CEP290: variants seen among roughly 807,000 people sequenced by gnomAD.
CEP290 encodes centrosomal protein 290, also known as centrosomal protein of 290 kDa.
In CEP290, 317 loss-of-function variants were observed where a neutral mutation model predicts 344.9. That is an observed-to-expected ratio of 0.92 (90% CI 0.84 to 1.01). The LOEUF (loss-of-function observed/expected upper bound fraction) is 1.01, where lower values mean the gene tolerates loss of function less well. Ranked by LOEUF, CEP290 falls within the 50% of genes least tolerant of loss-of-function variation. The pLI is 0.00. For synonymous variants in CEP290, 932 were observed against 895.8 expected, an observed-to-expected ratio of 1.04 and a Z score of -0.72; for missense variants, 2,754 against 2,761.4, an observed-to-expected ratio of 1.00 and a Z score of 0.06.
In CEP290 at chr12:88,093,839, A is replaced by G. The variant is rs886042467; in HGVS notation, c.3240T>C (p.Tyr1080=). 4.3e-6 allele frequency: 7 copies of G among 1,612,780 alleles called. 1 individual carries two copies. The highest frequency in any genetic ancestry group is 3.3e-5 in the Admixed American group (2 of 59,916). Residue 1080 remains tyrosine (Y), a synonymous_variant, in exon 28 of 54, where the codon TAT becomes TAC. Transcript: ENST00000552810. ...GCTTTAACGAAGTCCGTAAGTGTTCATACATTTTTTGACAATGTTCAGCCC... is the reference window on the plus strand; with the variant it reads ...GCTTTAACGAAGTCCGTAAGTGTTCGTACATTTTTTGACAATGTTCAGCCC... ...RQRAEHCQKM[Y]EHLRTSLKQM...
chr12:88,072,477 C>T (rs1000873429), intron 41 of CEP290, among the ~76,000 whole-genome samples: 7 of 152,118 alleles, frequency 4.6e-5, no homozygotes, highest in African/African-American at 1.7e-4. Flanking sequence ...GCTCTTTAGG[C>T]TAACTATGCT....
chr12:88,062,670 TG>T (rs777877872), intron 46 of CEP290, 21 bp downstream of exon 46: 3 of 1,531,498 alleles, frequency 2.0e-6, no homozygotes, highest in Non-Finnish European at 2.7e-6. Flanking sequence ...CCAAAACAAA[TG>T]TATGGTAAAT....
Position 88,062,720 on chromosome 12 carries a change from A to G in CEP290, c.6329T>C (p.Val2110Ala), listed in dbSNP as rs1476344451. The part of the protein sequence containing the change: ...CEFLKKEKAE[V>A]QRKLGHVRGS... The stretch of plus-strand genomic sequence containing the variant: ...TCTAACATGGCCAAGTTTCCGCTGA[A>G]CTTCTGCTTTTTCTTTCTTAAGAAA... Residue 2110 changes from valine (V) to alanine (A), a missense_variant, in exon 46 of 54, where the codon GTT becomes GCT. Transcript: ENST00000552810. 6.2e-7 allele frequency: 1 copy of G among 1,603,844 alleles called. No homozygotes were observed. Among genetic ancestry groups the G allele is most frequent in the Admixed American group, 1.7e-5 (1 of 58,784 alleles).
chr12:88,111,429 C>G (rs1280727197), intron 21 of CEP290, 78 bp from the exon 22 acceptor site: 6 of 1,346,366 alleles, frequency 4.5e-6, no homozygotes, highest in Non-Finnish European at 6.0e-6. Flanking sequence ...TGTGAATGCC[C>G]TGCCAGGAAT....
In CEP290 at chr12:88,087,843, G is replaced by A. The variant is rs1217345596; in HGVS notation, c.4131C>T (p.Asn1377=). The A allele has an allele frequency of 2.4e-6, 3 of 1,274,100 alleles. No individual in the cohort carries two copies. The highest frequency in any genetic ancestry group is 3.0e-6 in the Non-Finnish European group (3 of 991,578). The allele number at this position is 1,274,100 out of a possible 1,614,324, so 78.9% of individuals were successfully genotyped here. A position where few individuals can be genotyped will look rare whatever the true frequency, so the allele number is the denominator to read the frequency against. Residue 1377 remains asparagine (N), a synonymous_variant, in exon 32 of 54, where the codon AAC becomes AAT. Coordinates refer to ENST00000552810, the MANE Select transcript of CEP290 (RefSeq NM_025114.4). ...KDKEEIKYLN[N]IISEYERTIS... ...TTGTACGTTCATATTCAGAAATTAT[G>A]TTATTCAAATATTTTATTTCTTCTT...
Position 88,087,823 on chromosome 12 carries a change from C to T in CEP290, c.4151G>A (p.Arg1384His), listed in dbSNP as rs143152287. ...YLNNIISEYE[R>H]TISSLEEEIV... The stretch of plus-strand genomic sequence containing the variant: ...TTCTTCTTCAAGACTGCTGATTGTA[C>T]GTTCATATTCAGAAATTATGTTATT... Residue 1384 changes from arginine (R) to histidine (H), a missense_variant, in exon 32 of 54, where the codon CGT becomes CAT. By Grantham distance (29) the Arg-to-His change is conservative. Transcript: ENST00000552810. 40 of 1,282,700 alleles carry T rather than the reference C, an allele frequency of 3.1e-5. No homozygotes were observed. The highest frequency in any genetic ancestry group is 2.0e-4 in the Middle Eastern group (1 of 4,988). The allele number at this position is 1,282,700 out of a possible 1,614,324, so 79.5% of individuals were successfully genotyped here. A position where few individuals can be genotyped will look rare whatever the true frequency, so the allele number is the denominator to read the frequency against.
At chr12:88,090,595 A>G in intron 30 of CEP290, 133 bp downstream of exon 30, 1 of 620,744 alleles carries the variant, frequency 1.6e-6, no homozygotes, top group South Asian at 1.9e-5. Flanking sequence ...GTACCACTGC[A>G]CTCCACCCTG....
intron 11 of CEP290, among the ~76,000 whole-genome samples, chr12:88,127,206 A>G (rs143723142): frequency 2.9e-3 from 344 of 118,914 alleles, no homozygotes; most frequent in Middle Eastern, 8.5e-3. Flanking sequence ...TAAATGTAAA[A>G]AAAGGCCAGG....
chr12:88,070,003 T>C (rs779851846), intron 43 of CEP290, among the ~76,000 whole-genome samples: 1 of 152,174 alleles, frequency 6.6e-6, no homozygotes, highest in Non-Finnish European at 1.5e-5. Flanking sequence ...AGAATAAAAT[T>C]AAAAAGTTTT....
intron 6 of CEP290, among the ~76,000 whole-genome samples, chr12:88,134,005 C>T (rs548110613): frequency 1.3e-5 from 2 of 152,154 alleles, no homozygotes; most frequent in South Asian, 2.1e-4. Context: ...TTCTCAGAGA[C>T]GTGCCTTACA....
At chr12:88,086,868 G>A (rs985180308) in intron 32 of CEP290, among the ~76,000 whole-genome samples, 1 of 152,202 alleles carries the variant, frequency 6.6e-6, no homozygotes, top group Non-Finnish European at 1.5e-5. Flanking sequence ...AGGAAAGACA[G>A]TCAATAATAA....
chr12:88,080,267 G>A lies in CEP290; in HGVS notation c.5141C>T (p.Ala1714Val). 6.2e-7 allele frequency: 1 copy of A among 1,613,376 alleles called. No individual in the cohort carries two copies. The highest frequency in any genetic ancestry group is 8.5e-7 in the Non-Finnish European group (1 of 1,179,688). The change falls in exon 38 of 54, where the codon GCA becomes GTA. Residue 1714 changes from alanine (A) to valine (V), a missense_variant. Physicochemically the swap from Ala to Val is moderately conservative, Grantham distance 64. Coordinates refer to ENST00000552810, the MANE Select transcript of CEP290 (RefSeq NM_025114.4). Reference sequence around the variant, plus strand: ...TGTAGTTGTTGGAGCTCTTGAATTTGCTTCTTTTTGAGCCTGAAGTTCAGA... The same window carrying A: ...TGTAGTTGTTGGAGCTCTTGAATTTACTTCTTTTTGAGCCTGAAGTTCAGA... The part of the protein sequence containing the change: ...LKSELQAQKE[A>V]NSRAPTTTMR...
intron 45 of CEP290, 134 bp from the exon 46 acceptor site, chr12:88,062,912 C>G (rs1228175712): frequency 3.4e-6 from 2 of 587,940 alleles, no homozygotes; most frequent in Non-Finnish European, 6.0e-6. Context: ...TCTATATTAA[C>G]AAGGAAGATT....
chr12:88,103,107 C>A (rs987577825), intron 25 of CEP290, 96 bp from the exon 26 acceptor site: 2 of 630,960 alleles, frequency 3.2e-6, no homozygotes, highest in Non-Finnish European at 4.8e-6. Flanking sequence ...TAAAGTAAAA[C>A]GAATTTTAAA....
intron 5 of CEP290, among the ~76,000 whole-genome samples, chr12:88,137,281 T>C (rs1012078979): frequency 6.6e-6 from 1 of 152,216 alleles, no homozygotes; most frequent in African/African-American, 2.4e-5. Flanking sequence ...GTAGCTATGT[T>C]CGGGCATTTG....
At chr12:88,058,608 G>C in intron 49 of CEP290, 2 of 493,570 alleles carry the variant, frequency 4.1e-6, no homozygotes, top group East Asian at 7.7e-5. Context: ...CCTTCGCCCA[G>C]CCCCAGCTCT....
In CEP290 at chr12:88,079,095, T is replaced by C; in HGVS notation, c.5361A>G (p.Leu1787=). 1 of 1,574,170 alleles carries C rather than the reference T, an allele frequency of 6.4e-7. No homozygotes were observed. The highest frequency in any genetic ancestry group is 1.2e-5 in the South Asian group (1 of 81,094). ...QQIVDRHTRE[L]KTQVEDLNEN... is the part of the protein sequence containing the mutation. The stretch of plus-strand genomic sequence containing the variant: ...ATTAACACGTGTTGATGTTCACCTT[T>C]AGCTCTCTAGTATGTCGATCAACGA... Residue 1787 remains leucine (L), a synonymous_variant, in exon 39 of 54, where the codon CTA becomes CTG. Transcript: ENST00000552810.
intron 43 of CEP290, among the ~76,000 whole-genome samples, chr12:88,070,643 T>C (rs2136945694): frequency 6.6e-6 from 1 of 152,264 alleles, no homozygotes; most frequent in East Asian, 1.9e-4. Flanking sequence ...GTCGTTTTTT[T>C]CTTCCTCTTT....
At position 88,128,947 on chromosome 12, in the gene CEP290, T is replaced by C. The variant is rs771613334; in HGVS notation, c.941A>G (p.Lys314Arg). 7.3e-6 allele frequency: 11 copies of C among 1,504,590 alleles called. No individual in the cohort carries two copies. In the South Asian group the frequency reaches 1.3e-4, roughly 17 times the overall value. The allele number at this position is 1,504,590 out of a possible 1,614,324, so 93.2% of individuals were successfully genotyped here. Residue 314 changes from lysine (K) to arginine (R), a missense_variant and splice_region_variant, in exon 11 of 54, where the codon AAG becomes AGG. Transcript: ENST00000552810. ...VAVNAKVEEW[K>R]LILSSKDDEI... ...ATTATGTCAATTGAAAAAAAATACC[T>C]TCCATTCTTCTACTTTTGCATTGAC... is the stretch of plus-strand genomic sequence containing the variant.
Sources: gnomAD v4.1 joint callset for allele counts (sites outside exome capture counted in the v4.1 genomes callset) on GRCh38, gnomAD v4.1.1 for gene constraint, MANE v1.5 for transcripts, NCBI Gene and HGNC (gene_info 2026-07-23, HGNC 2026-07-21) for gene names.